HLCS: variants seen among roughly 807,000 people sequenced by gnomAD.
HLCS encodes the protein holocarboxylase synthetase.
Under a neutral mutation model 75.0 loss-of-function variants are expected in HLCS, and 53 were observed. That is an observed-to-expected ratio of 0.71 (90% CI 0.57 to 0.89). The LOEUF (loss-of-function observed/expected upper bound fraction) is 0.89. HLCS is among the 40% of genes least tolerant of loss of function. The pLI is 0.00. For synonymous variants in HLCS, 431 were observed against 428.6 expected (o/e 1.01, Z -0.07); for missense variants, 966 against 1,074.0 (o/e 0.90, Z 1.41).
At chr21:36,965,936 T>G (rs549316598) in intron 1 of HLCS, among the ~76,000 whole-genome samples, 181 of 151,678 alleles carry the variant, frequency 1.2e-3, no homozygotes, top group Non-Finnish European at 2.5e-4. Context: ...TTTGTTTTGT[T>G]TTTTGTAGAG....
chr21:36,833,593 T>TTATATATATATA (rs56412653), intron 6 of HLCS, among the ~76,000 whole-genome samples: 27 of 140,004 alleles, frequency 1.9e-4, no homozygotes, highest in African/African-American at 2.4e-4. Context: ...TAAAAAAAAA[T>TTATATATATATA]TATATATATA....
chr21:36,811,269 A>C (rs1182140964), intron 6 of HLCS, among the ~76,000 whole-genome samples: 2 of 152,226 alleles, frequency 1.3e-5, no homozygotes, highest in Non-Finnish European at 2.9e-5. Context: ...TTCATGGTAC[A>C]GCTGCCATGC....
intron 6 of HLCS, among the ~76,000 whole-genome samples, chr21:36,797,379 AAAT>A (rs1321656199): frequency 6.6e-6 from 1 of 151,762 alleles, no homozygotes; most frequent in Non-Finnish European, 1.5e-5. Context: ...ATATTATTAG[AAAT>A]AATATTTATT....
At chr21:36,771,508 G>A (rs573336731) in intron 6 of HLCS, among the ~76,000 whole-genome samples, 1 of 152,192 alleles carries the variant, frequency 6.6e-6, no homozygotes, top group South Asian at 2.1e-4. Context: ...CAGCATTACT[G>A]ATGCAGTGTG....
intron 5 of HLCS, among the ~76,000 whole-genome samples, chr21:36,908,425 T>C (rs55774658): frequency 0.33 from 49,643 of 151,444 alleles, 8,408 homozygotes; most frequent in Middle Eastern, 0.46. Context: ...CACTTTACAA[T>C]GGTTGGCAAA....
intron 9 of HLCS, among the ~76,000 whole-genome samples, chr21:36,757,467 G>C (rs531392469): frequency 7.0e-4 from 106 of 152,272 alleles, no homozygotes; most frequent in African/African-American, 2.4e-3. Context: ...CTTCAGAAAA[G>C]CTGGACTTCA....
At chr21:36,828,452 G>A (rs1383701687) in intron 6 of HLCS, among the ~76,000 whole-genome samples, 1 of 152,072 alleles carries the variant, frequency 6.6e-6, no homozygotes, top group Non-Finnish European at 1.5e-5. Context: ...TCAACACCCT[G>A]GAAACGTTAA....
intron 10 of HLCS, among the ~76,000 whole-genome samples, chr21:36,754,808 T>C (rs1028979011): frequency 1.3e-5 from 2 of 152,194 alleles, no homozygotes; most frequent in African/African-American, 2.4e-5. Flanking sequence ...TGTTTTATCT[T>C]ATAAAACAAA....
rs566066939 is a variant in HLCS, at chr21:36,917,100, C to T, written c.1620+13151G>A. ...TGACTCTTTTACCTTTTCTTCAGTT[C>T]CAATTTTTTTTAACAAAAAATTGGG... On this transcript the variant is annotated intron_variant, in intron 5 of 10. Transcript: ENST00000674895. Among the ~76,000 whole-genome samples, 3 of 152,170 alleles carry T rather than the reference C, an allele frequency of 2.0e-5. No homozygotes were observed. In the East Asian group the frequency reaches 5.8e-4, roughly 29 times the overall value.
intron 6 of HLCS, among the ~76,000 whole-genome samples, chr21:36,811,307 T>C (rs554118305): frequency 6.6e-6 from 1 of 152,342 alleles, no homozygotes; most frequent in African/African-American, 2.4e-5. Flanking sequence ...TTCTAGACTA[T>C]TACAGTACAA....
intron 6 of HLCS, among the ~76,000 whole-genome samples, chr21:36,890,255 A>AT (rs2064721619): frequency 6.6e-6 from 1 of 152,206 alleles, no homozygotes. Context: ...AAACAGACTA[A>AT]TACACATGGC....
At chr21:36,878,064 T>C (rs1686006711) in intron 6 of HLCS, among the ~76,000 whole-genome samples, 1 of 152,148 alleles carries the variant, frequency 6.6e-6, no homozygotes, top group African/African-American at 2.4e-5. Context: ...CTAGATGTAT[T>C]TTCATCATAT....
At chr21:36,845,327 G>A (rs2062760463) in intron 6 of HLCS, among the ~76,000 whole-genome samples, 1 of 152,026 alleles carries the variant, frequency 6.6e-6, no homozygotes, top group South Asian at 2.1e-4. Flanking sequence ...AATGAACATG[G>A]GCAAGTGTCA....
At chr21:36,773,360 C>A (rs1037489791) in intron 6 of HLCS, among the ~76,000 whole-genome samples, 3 of 152,246 alleles carry the variant, frequency 2.0e-5, no homozygotes, top group Non-Finnish European at 2.9e-5. Context: ...GGAGGGCTGG[C>A]AGTCTGCCAC....
intron 6 of HLCS, among the ~76,000 whole-genome samples, chr21:36,807,648 GC>G (rs1242929001): frequency 5.9e-5 from 9 of 152,184 alleles, no homozygotes; most frequent in Non-Finnish European, 1.3e-4. Flanking sequence ...CTGAGTGACA[GC>G]ATGTGATGGT....
At chr21:36,868,204 G>GAAGGAAAAAGGAAAGGGAA (rs1452376894) in intron 6 of HLCS, among the ~76,000 whole-genome samples, 7 of 145,924 alleles carry the variant, frequency 4.8e-5, no homozygotes, top group African/African-American at 1.1e-4. Flanking sequence ...AGGGAAAAGG[G>GAAGGAAAAAGGAAAGGGAA]AAGGGAAGGG....
intron 6 of HLCS, among the ~76,000 whole-genome samples, chr21:36,788,746 GATGA>G (rs1211641359): frequency 6.6e-6 from 1 of 152,162 alleles, no homozygotes; most frequent in Non-Finnish European, 1.5e-5. Context: ...TTTTACTGAG[GATGA>G]ATAACTTCTT....
At position 36,980,196 on chromosome 21, in the gene HLCS, T is replaced by TA. The variant is rs113653823; in HGVS notation, c.-393+9961dup. The stretch of plus-strand genomic sequence containing the variant: ...AATGGAGTGAGACCCTGACTATATT[T>TA]AAAAAAAAAAAAAATAGGAAGAAAC... On this transcript the variant is annotated intron_variant, in intron 1 of 11. Transcript: ENST00000336648. Among the ~76,000 whole-genome samples the TA allele has an allele frequency of 8.9e-3, 1,247 of 139,710 alleles. 10 individuals are homozygous for TA. Among genetic ancestry groups the TA allele is most frequent in the South Asian group, 0.012 (52 of 4,314 alleles). 91.7% of individuals were successfully genotyped at this position (139,710 alleles called of 152,430 possible). A position where few individuals can be genotyped will look rare whatever the true frequency, so the allele number is the denominator to read the frequency against.
rs1264856706 is a variant in HLCS at position 36,938,833 on chromosome 21, C to A, written c.492G>T (p.Val164=). The change falls in exon 3 of 11, where the codon GTG becomes GTT. Residue 164 remains valine (V), a splice_region_variant and synonymous_variant. Transcript: ENST00000674895. ...AAAACATTTTCTAAAGTTACTTACA[C>A]ACAATCTTTTGGGGTACCAGTCCAT... ...MDNGLVPQKI[V]SVHLQDSTLK... is the part of the protein sequence containing the mutation. 5 of 1,613,904 alleles carry A rather than the reference C, an allele frequency of 3.1e-6. No homozygotes were observed. In the Admixed American group the frequency reaches 5.0e-5, roughly 16 times the overall value.
Sources: allele counts gnomAD v4.1 joint callset (sites outside exome capture counted in the v4.1 genomes callset), GRCh38; gene constraint gnomAD v4.1.1; transcripts MANE v1.5; gene names NCBI Gene and HGNC (gene_info 2026-07-23, HGNC 2026-07-21).